Variants in OGFR observed in about 807,000 individuals in gnomAD.
OGFR encodes the protein opioid growth factor receptor.
Under a neutral mutation model 33.6 loss-of-function variants are expected in OGFR, and 18 were observed. The ratio of observed to expected loss-of-function variants is 0.54; its 90% CI spans 0.37 to 0.80. The LOEUF (loss-of-function observed/expected upper bound fraction) is 0.80. Among genes scored for constraint, OGFR ranks in the 30% least tolerant of loss-of-function variants. The probability of loss-of-function intolerance (pLI) is 0.00; values close to 1 mark genes in which losing one functional copy is unlikely to be tolerated. For synonymous variants in OGFR, 370 were observed against 400.7 expected, an observed-to-expected ratio of 0.92 and a Z score of 0.91; for missense variants, 877 against 955.8, an observed-to-expected ratio of 0.92 and a Z score of 1.09.
In OGFR at chr20:62,813,913, C is replaced by G; in HGVS notation, c.*264C>G. On this transcript the variant is annotated 3_prime_UTR_variant, in exon 7 of 7. Transcript: ENST00000290291. ...GCGCCCCTGTCTTTGTAAATTGACC[C>G]TTCTGGAGTGGGGGGCGGCGGGCAG... The G allele has an allele frequency of 3.5e-6, 2 of 569,542 alleles. No homozygotes were observed. The highest frequency in any genetic ancestry group is 2.2e-5 in the South Asian group (1 of 45,624). 35.3% of individuals were successfully genotyped at this position (569,542 alleles called of 1,614,324 possible). A position where few individuals can be genotyped will look rare whatever the true frequency, so the allele number is the denominator to read the frequency against.
chr20:62,813,908 T>G lies in OGFR; in HGVS notation c.*259T>G. 1.7e-6 allele frequency: 1 copy of G among 578,514 alleles called. No homozygotes were observed. The highest frequency in any genetic ancestry group is 3.1e-6 in the Non-Finnish European group (1 of 325,756). The allele number at this position is 578,514 out of a possible 1,614,324, so 35.8% of individuals were successfully genotyped here. A position where few individuals can be genotyped will look rare whatever the true frequency, so the allele number is the denominator to read the frequency against. On this transcript the variant is annotated 3_prime_UTR_variant, in exon 7 of 7. Coordinates refer to ENST00000290291, the MANE Select transcript of OGFR (RefSeq NM_007346.4). ...CCCCTGCGCCCCTGTCTTTGTAAAT[T>G]GACCCTTCTGGAGTGGGGGGCGGCG... is the stretch of plus-strand genomic sequence containing the variant.
intron 5 of OGFR, 77 bp from the exon 6 acceptor site, chr20:62,811,385 G>A: frequency 1.3e-6 from 2 of 1,524,142 alleles, no homozygotes; most frequent in Non-Finnish European, 1.8e-6. Flanking sequence ...AGTGAGTCGG[G>A]ACCCACGGCC....
rs745914511 is a variant in OGFR at position 62,813,063 on chromosome 20, G to T, written c.1448G>T (p.Gly483Val). 6.3e-7 allele frequency: 1 copy of T among 1,582,612 alleles called. No homozygotes were observed. The stretch of plus-strand genomic sequence containing the variant: ...GGTGCCCAGACCTTGGCCCTTGCCG[G>T]GTCCCCTGCCCCATCGGGGCACCCC... ...SGGAQTLALA[G>V]SPAPSGHPKA... Residue 483 changes from glycine to valine, a missense_variant, in exon 7 of 7, where the codon GGG becomes GTG. Gly to Val is a moderately radical substitution (Grantham distance 109). Transcript: ENST00000290291.
At chr20:62,807,460 C>A (rs1990621297) in intron 1 of OGFR, 77 bp from the exon 2 acceptor site, 3 of 1,304,528 alleles carry the variant, frequency 2.3e-6, no homozygotes, top group Non-Finnish European at 3.3e-6. Flanking sequence ...CTGGCCCAGG[C>A]CCTGCAGCCC....
chr20:62,807,214 G>A (rs565921570), intron 1 of OGFR: 6 of 420,424 alleles, frequency 1.4e-5, no homozygotes, highest in African/African-American at 4.0e-5. Context: ...CCCCAGGGGA[G>A]GTGCATGTCA....
At position 62,812,376 on chromosome 20, in the gene OGFR, T is replaced by A. The variant is rs1990749225; in HGVS notation, c.761T>A (p.Leu254Gln). The change falls in exon 7 of 7, where the codon CTG becomes CAG. Residue 254 changes from leucine (L) to glutamine (Q), a missense_variant. Physicochemically the swap from Leu to Gln is moderately radical, Grantham distance 113. Transcript: ENST00000290291. ...RELPGVRQSA[L>Q]DYFMFAVRCR... ...CTGCCGGGGGTGCGGCAGAGTGCCC[T>A]GGACTACTTCATGTTCGCCGTGCGC... The A allele has an allele frequency of 6.4e-7, 1 of 1,573,638 alleles. No homozygotes were observed. The highest frequency in any genetic ancestry group is 8.6e-7 in the Non-Finnish European group (1 of 1,160,876).
intron 1 of OGFR, 25 bp from the exon 2 acceptor site, chr20:62,807,512 C>T: frequency 6.2e-7 from 1 of 1,609,092 alleles, no homozygotes; most frequent in Non-Finnish European, 8.5e-7. Flanking sequence ...CATGGGGGTC[C>T]TAATCCCATC....
rs781267275 is a variant in OGFR at position 62,804,839 on chromosome 20, C to G, written c.-21C>G. The G allele has an allele frequency of 1.6e-4, 230 of 1,440,810 alleles. 3 individuals carry two copies. Among genetic ancestry groups the G allele is most frequent in the Non-Finnish European group, 3.2e-5 (35 of 1,098,210 alleles). The allele number at this position is 1,440,810 out of a possible 1,614,324, so 89.3% of individuals were successfully genotyped here. On this transcript the variant is annotated 5_prime_UTR_variant, in exon 1 of 7. Transcript: ENST00000290291. Reference sequence around the variant, plus strand: ...TTCGGTTTCGCTTCCGCCTCCAGCGCGAGCCCCGCCGCCGCCGAGCATGGA... The same window carrying G: ...TTCGGTTTCGCTTCCGCCTCCAGCGGGAGCCCCGCCGCCGCCGAGCATGGA...
intron 1 of OGFR, among the ~76,000 whole-genome samples, chr20:62,805,240 G>A (rs1344409233): frequency 6.6e-6 from 1 of 151,818 alleles, no homozygotes; most frequent in Non-Finnish European, 1.5e-5. Flanking sequence ...GCGGAGCTGA[G>A]CCTCCCGGGC....
chr20:62,812,332 G>C lies in OGFR; in HGVS notation c.717G>C (p.Glu239Asp). 3.2e-6 allele frequency: 5 copies of C among 1,568,884 alleles called. No individual in the cohort carries two copies. The highest frequency in any genetic ancestry group is 4.3e-6 in the Non-Finnish European group (5 of 1,157,454). Residue 239 changes from glutamate (E) to aspartate (D), a missense_variant, in exon 7 of 7, where the codon GAG (glutamate) becomes GAC (aspartate). Coordinates refer to ENST00000290291, the MANE Select transcript of OGFR (RefSeq NM_007346.4). ...CGCTGGTCCGCTTCTTCCTGGAGGAGACGCTGGTGCGGCGGGAGCTGCCGG... is the reference window on the plus strand; with the variant it reads ...CGCTGGTCCGCTTCTTCCTGGAGGACACGCTGGTGCGGCGGGAGCTGCCGG... ...QAPLVRFFLE[E>D]TLVRRELPGV...
In OGFR at chr20:62,810,498, G is replaced by T. The variant is rs767544295; in HGVS notation, c.399-1G>T. ...TTGCCTGAGCATCTCTTCTCCTGCAGGCTGTTTCCTCTGCGAGAACCAGGA... is the reference window on the plus strand; with the variant it reads ...TTGCCTGAGCATCTCTTCTCCTGCATGCTGTTTCCTCTGCGAGAACCAGGA... On this transcript the variant is annotated splice_acceptor_variant, in intron 4 of 6. Coordinates refer to ENST00000290291, the MANE Select transcript of OGFR (RefSeq NM_007346.4). LOFTEE classifies it high-confidence loss of function. The T allele has an allele frequency of 2.5e-6, 4 of 1,613,300 alleles. No homozygotes were observed. The highest frequency in any genetic ancestry group is 2.5e-6 in the Non-Finnish European group (3 of 1,179,858).
chr20:62,805,282 G>A (rs1289483432), intron 1 of OGFR, among the ~76,000 whole-genome samples: 1 of 151,732 alleles, frequency 6.6e-6, no homozygotes, highest in Non-Finnish European at 1.5e-5. Flanking sequence ...TCCCCCCGGG[G>A]GTGCCTCGGG....
At chr20:62,808,182 A>G in intron 2 of OGFR, 65 bp from the exon 3 acceptor site, 1 of 1,286,454 alleles carries the variant, frequency 7.8e-7, no homozygotes, top group South Asian at 1.2e-5. Flanking sequence ...CCCGAAAGAC[A>G]CGGAGGGCCC....
At chr20:62,807,986 CCTGTGCTGCCTTCA>C in intron 2 of OGFR, 1 of 605,066 alleles carries the variant, frequency 1.7e-6, no homozygotes, top group Non-Finnish European at 2.9e-6. Context: ...CACGGAAACC[CCTGTGCTGCCTTCA>C]GGGTGCTGAG....
chr20:62,804,854 C>T lies in OGFR; in HGVS notation c.-6C>T, dbSNP rs966934252. ...GCCTCCAGCGCGAGCCCCGCCGCCG[C>T]CGAGCATGGACGACCCCGACTGCGA... On this transcript the variant is annotated 5_prime_UTR_variant, in exon 1 of 7. Transcript: ENST00000290291. 6 of 1,461,492 alleles carry T rather than the reference C, an allele frequency of 4.1e-6. No homozygotes were observed. In the Admixed American group the frequency reaches 1.7e-4, roughly 40 times the overall value. 90.5% of individuals were successfully genotyped at this position (1,461,492 alleles called of 1,614,324 possible).
chr20:62,812,337 T>G lies in OGFR; in HGVS notation c.722T>G (p.Leu241Arg). The change falls in exon 7 of 7, where the codon CTG (leucine) becomes CGG (arginine). Residue 241 changes from leucine to arginine, a missense_variant. Transcript: ENST00000290291. ...PLVRFFLEET[L>R]VRRELPGVRQ... ...GTCCGCTTCTTCCTGGAGGAGACGC[T>G]GGTGCGGCGGGAGCTGCCGGGGGTG... 2 of 1,571,100 alleles carry G rather than the reference T, an allele frequency of 1.3e-6. No individual in the cohort carries two copies. Among genetic ancestry groups the G allele is most frequent in the Non-Finnish European group, 1.7e-6 (2 of 1,158,756 alleles).
At position 62,807,601 on chromosome 20, in the gene OGFR, A is replaced by G; in HGVS notation, c.236A>G (p.Tyr79Cys). The change falls in exon 2 of 7, where the codon TAT (tyrosine) becomes TGT (cysteine). Residue 79 changes from tyrosine (Y) to cysteine (C), a missense_variant. By Grantham distance (194) the Tyr-to-Cys change is radical. Coordinates refer to ENST00000290291, the MANE Select transcript of OGFR (RefSeq NM_007346.4). ...TRDMCRYRHN[Y>C]PDLVERDCNG... Reference sequence around the variant, plus strand: ...GACATGTGTAGGTATCGGCACAACTATCCGGTACGTACCTGCCCCTGCCCC... The same window carrying G: ...GACATGTGTAGGTATCGGCACAACTGTCCGGTACGTACCTGCCCCTGCCCC... The G allele has an allele frequency of 6.2e-7, 1 of 1,609,386 alleles. No homozygotes were observed. Among genetic ancestry groups the G allele is most frequent in the Non-Finnish European group, 8.5e-7 (1 of 1,178,402 alleles).
rs1032232372 is a variant in OGFR, at chr20:62,813,856, C to G, written c.*207C>G. 7 of 614,122 alleles carry G rather than the reference C, an allele frequency of 1.1e-5. No individual in the cohort carries two copies. Among genetic ancestry groups the G allele is most frequent in the Non-Finnish European group, 1.7e-5 (6 of 350,652 alleles). 38.0% of individuals were successfully genotyped at this position (614,122 alleles called of 1,614,324 possible). A position where few individuals can be genotyped will look rare whatever the true frequency, so the allele number is the denominator to read the frequency against. On this transcript the variant is annotated 3_prime_UTR_variant, in exon 7 of 7. Coordinates refer to ENST00000290291, the MANE Select transcript of OGFR (RefSeq NM_007346.4). ...CCAAGGCCTGCAGAAGCCTCCTGGCCTGGCTGTGTCTTCCCCACCCAGCTC... is the reference window on the plus strand; with the variant it reads ...CCAAGGCCTGCAGAAGCCTCCTGGCGTGGCTGTGTCTTCCCCACCCAGCTC...
chr20:62,811,624 G>GCGGGGGGGCCCCCC lies in OGFR; in HGVS notation c.614+15_614+16insGGGGGGGCCCCCCC. On this transcript the variant is annotated intron_variant, in intron 6 of 6. Coordinates refer to ENST00000290291, the MANE Select transcript of OGFR (RefSeq NM_007346.4). The stretch of plus-strand genomic sequence containing the variant: ...GAACCTGAACTGGTGAGGCCCGGCT[G>GCGGGGGGGCCCCCC]CTCCCGCCCACCCCCACCCCGGCGC... 6.4e-7 allele frequency: 1 copy of GCGGGGGGGCCCCCC among 1,551,500 alleles called. No individual in the cohort carries two copies. Among genetic ancestry groups the GCGGGGGGGCCCCCC allele is most frequent in the East Asian group, 2.4e-5 (1 of 41,640 alleles).
Sources: allele counts gnomAD v4.1 joint callset (sites outside exome capture counted in the v4.1 genomes callset), GRCh38; gene constraint gnomAD v4.1.1; transcripts MANE v1.5; gene names NCBI Gene and HGNC (gene_info 2026-07-23, HGNC 2026-07-21).